Variants in STON2 observed in about 807,000 individuals in gnomAD.
STON2 encodes stonin-2.
Under a neutral mutation model 65.7 loss-of-function variants are expected in STON2, and 29 were observed. That is an observed-to-expected ratio of 0.44 (90% CI 0.33 to 0.60). The LOEUF is 0.60. Among genes scored for constraint, STON2 ranks in the 20% least tolerant of loss-of-function variants. The pLI, the probability that STON2 is intolerant of heterozygous loss-of-function variation, is 0.03. For missense variants in STON2, 1,054 were observed against 1,118.1 expected, an observed-to-expected ratio of 0.94 and a Z score of 0.82; for synonymous variants, 404 against 414.2, an observed-to-expected ratio of 0.98 and a Z score of 0.30.
At chr14:81,271,071 T>C (rs1034861672) in intron 6 of STON2, among the ~76,000 whole-genome samples, 199 bp from the exon 7 acceptor site, 1 of 151,992 alleles carries the variant, frequency 6.6e-6, no homozygotes, top group Admixed American at 6.6e-5. Flanking sequence ...TCGATATAAC[T>C]CCATCGGATT....
Position 81,265,309 on chromosome 14 carries a change from T to C in STON2, c.*3105A>G. 5 of 983,720 alleles carry C rather than the reference T, an allele frequency of 5.1e-6. No homozygotes were observed. The highest frequency in any genetic ancestry group is 4.8e-6 in the Non-Finnish European group (4 of 828,538). 60.9% of individuals were successfully genotyped at this position (983,720 alleles called of 1,614,324 possible). A position where few individuals can be genotyped will look rare whatever the true frequency, so the allele number is the denominator to read the frequency against. On this transcript the variant is annotated 3_prime_UTR_variant, in exon 8 of 8. Transcript: ENST00000614646. ...CCCATAATCAGTTTCCTAAAAACAG[T>C]AGAGGGAAAACAAATTTGATGAAAT...
chr14:81,359,761 G>A (rs1425218289), intron 4 of STON2, among the ~76,000 whole-genome samples: 1 of 152,136 alleles, frequency 6.6e-6, no homozygotes, highest in African/African-American at 2.4e-5. Context: ...AGGATAACCT[G>A]GAAGAAACGG....
Position 81,413,091 on chromosome 14 carries a change from A to G in STON2, c.-199+14011T>C. 3.6e-6 allele frequency: 4 copies of G among 1,113,466 alleles called. 1 individual carries two copies. In the South Asian group the frequency reaches 4.1e-5, roughly 11 times the overall value. 69.0% of individuals were successfully genotyped at this position (1,113,466 alleles called of 1,614,324 possible). A position where few individuals can be genotyped will look rare whatever the true frequency, so the allele number is the denominator to read the frequency against. On this transcript the variant is annotated intron_variant, in intron 2 of 8. Coordinates refer to the STON2 transcript ENST00000553821. ...AACAAAGAGAGGAACACTGTGGCTCATATCAAGAAGGAATGTGACAAGAAG... is the reference window on the plus strand; with the variant it reads ...AACAAAGAGAGGAACACTGTGGCTCGTATCAAGAAGGAATGTGACAAGAAG...
intron 6 of STON2, among the ~76,000 whole-genome samples, chr14:81,274,270 T>C (rs58773120): frequency 0.12 from 18,259 of 152,200 alleles, 1,243 homozygotes; most frequent in African/African-American, 0.17. Flanking sequence ...AAATCAGTAA[T>C]GGGGCAAGGC....
intron 4 of STON2, among the ~76,000 whole-genome samples, chr14:81,354,747 G>A (rs546646241): frequency 1.8e-4 from 28 of 152,278 alleles, no homozygotes; most frequent in South Asian, 1.5e-3. Context: ...GGCTGGGCAC[G>A]GTGGCTCACG....
Position 81,281,663 on chromosome 14 carries a change from G to C in STON2, c.743-2924C>G, listed in dbSNP as rs564762023. Among the ~76,000 whole-genome samples the C allele has an allele frequency of 7.2e-5, 11 of 152,158 alleles. No individual in the cohort carries two copies. The South Asian group carries it at 2.1e-3, about 29-fold the overall frequency. ...CAAAACAGCCCTTCTCATCTTCTAA[G>C]CCAAAAATGAAAAGAGAAAAAAAGG... On this transcript the variant is annotated intron_variant, in intron 5 of 7. Coordinates refer to ENST00000614646, the MANE Select transcript of STON2 (RefSeq NM_001394390.1).
chr14:81,305,966 C>A (rs1039732298), intron 5 of STON2, among the ~76,000 whole-genome samples: 1 of 151,984 alleles, frequency 6.6e-6, no homozygotes, highest in South Asian at 2.1e-4. Flanking sequence ...TCAGCAAAAA[C>A]CAGCTATAAC....
At chr14:81,407,494 T>C (rs1328266917) in intron 2 of STON2, among the ~76,000 whole-genome samples, 5 of 152,218 alleles carry the variant, frequency 3.3e-5, no homozygotes, top group South Asian at 2.1e-4. Flanking sequence ...GTTAAATCTT[T>C]GGCCATCTTC....
Position 81,270,891 on chromosome 14 carries a change from C to T in STON2, c.2582-19G>A, listed in dbSNP as rs773327075. ...CCGGAAGCTATGAAAGAAAGACAATCGAGAGATCAGATTATTTGGGGAGAA... is the reference window on the plus strand; with the variant it reads ...CCGGAAGCTATGAAAGAAAGACAATTGAGAGATCAGATTATTTGGGGAGAA... On this transcript the variant is annotated intron_variant, in intron 6 of 7. Coordinates refer to ENST00000614646, the MANE Select transcript of STON2 (RefSeq NM_001394390.1). 7.5e-6 allele frequency: 12 copies of T among 1,608,832 alleles called. No individual in the cohort carries two copies. The highest frequency in any genetic ancestry group is 6.7e-5 in the Admixed American group (4 of 59,878).
Position 81,278,271 on chromosome 14 carries a change from A to G in STON2, c.1211T>C (p.Ile404Thr), listed in dbSNP as rs981927211. 1 of 1,614,052 alleles carries G rather than the reference A, an allele frequency of 6.2e-7. No individual in the cohort carries two copies. The highest frequency in any genetic ancestry group is 1.3e-5 in the African/African-American group (1 of 74,932). The change falls in exon 6 of 8, where the codon ATT (isoleucine) becomes ACT (threonine). Residue 404 changes from isoleucine to threonine, a missense_variant. By Grantham distance (89) the Ile-to-Thr change is moderately conservative. Coordinates refer to ENST00000614646, the MANE Select transcript of STON2 (RefSeq NM_001394390.1). ...TTGGCTTTTGCCCGTGGTACTGGAA[A>G]TGGAACTGTTTTGGGAGCGCCTCTC... ...EQERRSQNSS[I>T]SSTTGKSQRD...
Position 81,277,933 on chromosome 14 carries a change from G to A in STON2, c.1549C>T (p.Gln517Ter), listed in dbSNP as rs1232809866. 1 of 1,614,200 alleles carries A rather than the reference G, an allele frequency of 6.2e-7. No individual in the cohort carries two copies. Among genetic ancestry groups the A allele is most frequent in the Admixed American group, 1.7e-5 (1 of 60,030 alleles). ...FVKLTDTGYLQLYYEQGLEKP... is the reference protein window; with the variant it reads ...FVKLTDTGYL ...TCTAGGCCCTGCTCATAATACAGCT[G>A]CAGGTAACCAGTGTCTGTCAGTTTG... Residue 517 changes from glutamine (Q) to a stop codon, truncating the protein, a stop_gained, in exon 6 of 8, where the codon CAG becomes TAG. Coordinates refer to ENST00000614646, the MANE Select transcript of STON2 (RefSeq NM_001394390.1). LOFTEE classifies it high-confidence loss of function.
intron 4 of STON2, among the ~76,000 whole-genome samples, chr14:81,349,475 A>G (rs1595381025): frequency 6.6e-6 from 1 of 152,308 alleles, no homozygotes; most frequent in South Asian, 2.1e-4. Flanking sequence ...GCCAACAGGC[A>G]TATGAAAAAA....
chr14:81,399,525 T>C (rs555451452), intron 1 of STON2, among the ~76,000 whole-genome samples: 2 of 152,314 alleles, frequency 1.3e-5, no homozygotes, highest in Non-Finnish European at 2.9e-5. Flanking sequence ...CAGGTTATCA[T>C]CTGCAGTAAA....
rs1211866998 is a variant in STON2 at position 81,266,591 on chromosome 14, T to C, written c.*1823A>G. On this transcript the variant is annotated 3_prime_UTR_variant, in exon 8 of 8. Coordinates refer to ENST00000614646, the MANE Select transcript of STON2 (RefSeq NM_001394390.1). ...TATTAATGTCTCTCTTAAAATATGA[T>C]ACCCATAATTGAACTCAACCCTCCA... 3.9e-6 allele frequency: 3 copies of C among 777,212 alleles called. No individual in the cohort carries two copies. The African/African-American group carries it at 5.7e-5, about 15-fold the overall frequency. The allele number at this position is 777,212 out of a possible 1,614,324, so 48.1% of individuals were successfully genotyped here.
intron 3 of STON2, among the ~76,000 whole-genome samples, chr14:81,383,095 A>G (rs985844807): frequency 1.3e-5 from 2 of 152,178 alleles, no homozygotes; most frequent in African/African-American, 2.4e-5. Context: ...CTGCCATCAT[A>G]TTTCAAGCCA....
At chr14:81,339,340 A>G (rs911809228) in intron 4 of STON2, among the ~76,000 whole-genome samples, 6 of 152,182 alleles carry the variant, frequency 3.9e-5, no homozygotes, top group Non-Finnish European at 8.8e-5. Context: ...GGCAGGGGAA[A>G]TCACAGAAGG....
At position 81,371,187 on chromosome 14, in the gene STON2, TG is replaced by T. The variant is rs1384796530; in HGVS notation, c.374-3del. 6.2e-7 allele frequency: 1 copy of T among 1,613,510 alleles called. No homozygotes were observed. Among genetic ancestry groups the T allele is most frequent in the Non-Finnish European group, 8.5e-7 (1 of 1,179,886 alleles). On this transcript the variant is annotated splice_polypyrimidine_tract_variant and splice_region_variant and intron_variant, in intron 3 of 7. Transcript: ENST00000614646. The stretch of plus-strand genomic sequence containing the variant: ...AGCAGGGCATGGTCAATGGTAGGGC[TG>T]GGGAGAGACCAAAAACCAAAAGCAT...
chr14:81,262,544 G>A lies in STON2; in HGVS notation c.*5870C>T. 1 of 985,322 alleles carries A rather than the reference G, an allele frequency of 1.0e-6. No individual in the cohort carries two copies. Among genetic ancestry groups the A allele is most frequent in the African/African-American group, 1.7e-5 (1 of 57,338 alleles). The allele number at this position is 985,322 out of a possible 1,614,324, so 61.0% of individuals were successfully genotyped here. A position where few individuals can be genotyped will look rare whatever the true frequency, so the allele number is the denominator to read the frequency against. ...CCAATGCTGATTTGTCATCTCTCTA[G>A]ATTTTACTTTTTCATATTGAAATTC... On this transcript the variant is annotated 3_prime_UTR_variant, in exon 8 of 8. Coordinates refer to ENST00000614646, the MANE Select transcript of STON2 (RefSeq NM_001394390.1).
intron 4 of STON2, among the ~76,000 whole-genome samples, chr14:81,329,738 C>T (rs181015512): frequency 9.2e-5 from 14 of 152,292 alleles, no homozygotes; most frequent in Non-Finnish European, 1.6e-4. Flanking sequence ...GATCAGTCAG[C>T]CTACCTATGG....
Sources: allele counts gnomAD v4.1 joint callset (sites outside exome capture counted in the v4.1 genomes callset), GRCh38; gene constraint gnomAD v4.1.1; transcripts MANE v1.5; gene names NCBI Gene and HGNC (gene_info 2026-07-23, HGNC 2026-07-21).